CAMK2B: variants seen among roughly 807,000 people sequenced by gnomAD.
CAMK2B encodes calcium/calmodulin-dependent protein kinase type II subunit beta.
A neutral mutation model predicts 93.7 loss-of-function variants in CAMK2B; 27 were observed. The observed-to-expected ratio is 0.29, with a 90% CI of 0.21 to 0.40. The LOEUF (loss-of-function observed/expected upper bound fraction) is 0.40, where lower values mean the gene tolerates loss of function less well. Ranked by LOEUF, CAMK2B falls within the 10% of genes least tolerant of loss-of-function variation. CAMK2B has a pLI of 1.00. For synonymous variants in CAMK2B, 374 were observed against 358.8 expected (o/e 1.04, Z -0.48); for missense variants, 568 against 895.8 (o/e 0.63, Z 4.67).
At chr7:44,265,254 G>A (rs1020920982) in intron 2 of CAMK2B, among the ~76,000 whole-genome samples, 7 of 152,218 alleles carry the variant, frequency 4.6e-5, no homozygotes, top group African/African-American at 1.7e-4. Flanking sequence ...CGTCTCATAA[G>A]GAGAGGGTGT....
intron 6 of CAMK2B, among the ~76,000 whole-genome samples, chr7:44,245,759 A>C (rs2096723915): frequency 6.6e-6 from 1 of 151,646 alleles, no homozygotes; most frequent in African/African-American, 2.4e-5. Context: ...TTGGTGTGAC[A>C]CTCTCCCCAG....
chr7:44,219,000 A>G lies in CAMK2B; in HGVS notation c.*525T>C. 1 of 152,500 alleles carries G rather than the reference A, an allele frequency of 6.6e-6. No individual in the cohort carries two copies. Among genetic ancestry groups the G allele is most frequent in the Non-Finnish European group, 1.5e-5 (1 of 68,142 alleles). The allele number at this position is 152,500 out of a possible 1,614,324, so 9.4% of individuals were successfully genotyped here. ...AAAGGAGGCAGCCCAGCGGGCCCCC[A>G]CAGCCCCTCCCAAGAGACAGCTGAC... On this transcript the variant is annotated 3_prime_UTR_variant, in exon 24 of 24. Coordinates refer to ENST00000395749, the MANE Select transcript of CAMK2B (RefSeq NM_001220.5).
At chr7:44,245,102 C>A in intron 6 of CAMK2B, 1 of 390,500 alleles carries the variant, frequency 2.6e-6, no homozygotes, top group Non-Finnish European at 5.2e-6. Flanking sequence ...TCCCCCCTCC[C>A]CAGAGGAAAC....
At chr7:44,249,646 T>C (rs563832409) in intron 5 of CAMK2B, among the ~76,000 whole-genome samples, 20 of 152,290 alleles carry the variant, frequency 1.3e-4, no homozygotes, top group Admixed American at 3.3e-4. Flanking sequence ...TGGAGTGATA[T>C]GTGCAGAGCT....
At chr7:44,253,721 C>G (rs1269027508) in intron 5 of CAMK2B, among the ~76,000 whole-genome samples, 1 of 152,124 alleles carries the variant, frequency 6.6e-6, no homozygotes, top group Non-Finnish European at 1.5e-5. Context: ...TCTCAGCTTC[C>G]CAAGTGGCTG....
At chr7:44,302,281 A>G (rs922951134) in intron 1 of CAMK2B, among the ~76,000 whole-genome samples, 2 of 152,190 alleles carry the variant, frequency 1.3e-5, no homozygotes, top group African/African-American at 4.8e-5. Context: ...AACAGAAAGC[A>G]CCAGGCCCAG....
chr7:44,289,345 G>A (rs1786080972), intron 1 of CAMK2B, among the ~76,000 whole-genome samples: 1 of 152,214 alleles, frequency 6.6e-6, no homozygotes, highest in Non-Finnish European at 1.5e-5. Context: ...GCTGGAGTTT[G>A]TGGGAGGGCC....
intron 1 of CAMK2B, chr7:44,324,094 A>C (rs1199910774): frequency 6.6e-6 from 1 of 152,468 alleles, no homozygotes; most frequent in African/African-American, 2.4e-5. Flanking sequence ...TTCTCTCCAC[A>C]CGTGCAGGGA....
In CAMK2B at chr7:44,225,728, G is replaced by A. The variant is rs1183679718; in HGVS notation, c.1597+788C>T. Reference sequence around the variant, plus strand: ...AGGCCCAGCCTGCAGAGGGGACGGTGGCAAGCAGACCCCACCTGTCCCTCA... The same window carrying A: ...AGGCCCAGCCTGCAGAGGGGACGGTAGCAAGCAGACCCCACCTGTCCCTCA... On this transcript the variant is annotated intron_variant, in intron 20 of 23. Transcript: ENST00000395749. This position sits in a 1 kb window ranked among gnomAD's most constrained non-coding sequence, Gnocchi z 5.0. 6.2e-6 allele frequency: 8 copies of A among 1,288,970 alleles called. No individual in the cohort carries two copies. The highest frequency in any genetic ancestry group is 5.6e-5 in the East Asian group (1 of 18,018). The allele number at this position is 1,288,970 out of a possible 1,614,324, so 79.8% of individuals were successfully genotyped here. A position where few individuals can be genotyped will look rare whatever the true frequency, so the allele number is the denominator to read the frequency against.
intron 20 of CAMK2B, among the ~76,000 whole-genome samples, chr7:44,223,039 G>A (rs572314564): frequency 6.6e-6 from 1 of 152,356 alleles, no homozygotes; most frequent in East Asian, 1.9e-4. Context: ...ACATGCATGT[G>A]TGTACACGTG....
rs565346502 is a variant in CAMK2B, at chr7:44,292,095, T to C, written c.66-7870A>G. ...AAGGCAGAGATTAGGGCTGGTTCCT[T>C]CCTAGGGCTGGGAGGGAGAATCTGT... On this transcript the variant is annotated intron_variant, in intron 1 of 23. Transcript: ENST00000395749. Among the ~76,000 whole-genome samples, 7 of 152,288 alleles carry C rather than the reference T, an allele frequency of 4.6e-5. No individual in the cohort carries two copies. In the South Asian group the frequency reaches 1.2e-3, roughly 27 times the overall value.
chr7:44,314,552 G>C (rs533731576), intron 1 of CAMK2B, among the ~76,000 whole-genome samples: 1 of 152,310 alleles, frequency 6.6e-6, no homozygotes, highest in African/African-American at 2.4e-5. Context: ...CATCTGGGCT[G>C]TTTCTACTTT....
chr7:44,301,256 T>C (rs1311874843), intron 1 of CAMK2B, among the ~76,000 whole-genome samples: 1 of 152,088 alleles, frequency 6.6e-6, no homozygotes, highest in Non-Finnish European at 1.5e-5. Flanking sequence ...GCCTCTTGAG[T>C]AGAAAAGACT....
At chr7:44,255,589 C>T (rs1027272141) in intron 4 of CAMK2B, among the ~76,000 whole-genome samples, 4 of 152,160 alleles carry the variant, frequency 2.6e-5, no homozygotes, top group Admixed American at 1.3e-4. Context: ...TCTTCCCCAT[C>T]CCCCCGCCTG....
rs369400515 is a variant in CAMK2B at position 44,299,852 on chromosome 7, T to A, written c.66-15627A>T. On this transcript the variant is annotated intron_variant, in intron 1 of 23. Coordinates refer to ENST00000395749, the MANE Select transcript of CAMK2B (RefSeq NM_001220.5). ...ATAAATGTTAGCCATGATTATTTCT[T>A]TCATGGATAAAGAATGGATTCTTTA... is the stretch of plus-strand genomic sequence containing the variant. Among the ~76,000 whole-genome samples the A allele has an allele frequency of 9.3e-4, 142 of 152,288 alleles. 3 individuals carry two copies. The South Asian group carries it at 0.018, about 20-fold the overall frequency.
At chr7:44,270,862 C>A (rs1021924905) in intron 2 of CAMK2B, among the ~76,000 whole-genome samples, 1 of 152,216 alleles carries the variant, frequency 6.6e-6, no homozygotes, top group African/African-American at 2.4e-5. Context: ...AGGTGACCTG[C>A]ACACCTGTCT....
chr7:44,251,011 T>C (rs1310143318), intron 5 of CAMK2B, among the ~76,000 whole-genome samples: 3 of 152,230 alleles, frequency 2.0e-5, no homozygotes, highest in African/African-American at 7.2e-5. Context: ...AAGCAATGAC[T>C]GTCCTGTTTC....
chr7:44,225,997 C>T lies in CAMK2B; in HGVS notation c.1597+519G>A. The T allele has an allele frequency of 2.7e-6, 3 of 1,110,126 alleles. No homozygotes were observed. The highest frequency in any genetic ancestry group is 3.5e-6 in the Non-Finnish European group (3 of 848,850). The allele number at this position is 1,110,126 out of a possible 1,614,324, so 68.8% of individuals were successfully genotyped here. ...CAGCCTGTGCTTCCTGTCCCGCCCG[C>T]TCTGTTTCAGCCTGGCCCCAGCTGC... On this transcript the variant is annotated intron_variant, in intron 20 of 23. Coordinates refer to ENST00000395749, the MANE Select transcript of CAMK2B (RefSeq NM_001220.5). This position sits in a 1 kb window ranked among gnomAD's most constrained non-coding sequence, Gnocchi z 5.0.
intron 10 of CAMK2B, among the ~76,000 whole-genome samples, chr7:44,242,017 C>T (rs986045685): frequency 2.0e-5 from 3 of 152,184 alleles, no homozygotes; most frequent in South Asian, 2.1e-4. Flanking sequence ...ATCACCTCTA[C>T]CCTCTAATGC....
Sources: allele counts gnomAD v4.1 joint callset (sites outside exome capture counted in the v4.1 genomes callset), GRCh38; gene constraint gnomAD v4.1.1; non-coding constraint Gnocchi (gnomAD v3.1); transcripts MANE v1.5; gene names NCBI Gene and HGNC (gene_info 2026-07-23, HGNC 2026-07-21).